Variants in IMMP1L observed in about 807,000 individuals in gnomAD.
The protein encoded by IMMP1L is inner mitochondrial membrane peptidase subunit 1.
Under a neutral mutation model 21.8 loss-of-function variants are expected in IMMP1L, and 24 were observed. The ratio of observed to expected loss-of-function variants is 1.10; its 90% CI spans 0.80 to 1.55. The LOEUF is 1.55. Among genes scored for constraint, IMMP1L ranks in the 40% most tolerant of loss-of-function variants. The probability of loss-of-function intolerance (pLI) is 0.00; values close to 1 mark genes in which losing one functional copy is unlikely to be tolerated. For missense variants in IMMP1L, 195 were observed against 200.7 expected (o/e 0.97, Z 0.17); for synonymous variants, 46 against 62.8 (o/e 0.73, Z 1.26).
At chr11:31,474,272 T>C (rs1954660669) in intron 1 of IMMP1L, among the ~76,000 whole-genome samples, 1 of 151,992 alleles carries the variant, frequency 6.6e-6, no homozygotes, top group East Asian at 1.9e-4. Flanking sequence ...TTGTGACAAG[T>C]AGAGAACAAC....
chr11:31,435,126 A>G (rs1953075968), intron 4 of IMMP1L, among the ~76,000 whole-genome samples: 1 of 152,224 alleles, frequency 6.6e-6, no homozygotes, highest in South Asian at 2.1e-4. Context: ...TATATGAATA[A>G]ATAAAACCAT....
chr11:31,483,539 T>C (rs546880284), intron 1 of IMMP1L, among the ~76,000 whole-genome samples: 1 of 152,096 alleles, frequency 6.6e-6, no homozygotes, highest in East Asian at 1.9e-4. Flanking sequence ...CTTCCCTTGA[T>C]CCCAATCATG....
chr11:31,458,353 T>C (rs1360239040), intron 3 of IMMP1L, among the ~76,000 whole-genome samples: 1 of 152,134 alleles, frequency 6.6e-6, no homozygotes, highest in South Asian at 2.1e-4. Context: ...TTTTGAAAAC[T>C]AGTGTCAATT....
At chr11:31,497,169 A>C (rs1008070621) in intron 1 of IMMP1L, among the ~76,000 whole-genome samples, 6 of 151,536 alleles carry the variant, frequency 4.0e-5, no homozygotes, top group African/African-American at 1.5e-4. Flanking sequence ...TTTCAACTTA[A>C]ATTGGGTTTA....
chr11:31,470,071 A>G (rs1954490409), intron 1 of IMMP1L, among the ~76,000 whole-genome samples: 1 of 152,242 alleles, frequency 6.6e-6, no homozygotes, highest in African/African-American at 2.4e-5. Context: ...CTGTAATAAA[A>G]TATACGCTAA....
rs925898739 is a variant in IMMP1L, at chr11:31,509,526, C to A, written c.-37G>T. 7 of 543,854 alleles carry A rather than the reference C, an allele frequency of 1.3e-5. No individual in the cohort carries two copies. The Admixed American group carries it at 2.2e-4, about 17-fold the overall frequency. The allele number at this position is 543,854 out of a possible 1,614,324, so 33.7% of individuals were successfully genotyped here. A position where few individuals can be genotyped will look rare whatever the true frequency, so the allele number is the denominator to read the frequency against. ...TTACGTGATATTACCTACCTCGGGCCCCAAAGAACCCTGGAGACCCTCAAC... is the reference window on the plus strand; with the variant it reads ...TTACGTGATATTACCTACCTCGGGCACCAAAGAACCCTGGAGACCCTCAAC... On this transcript the variant is annotated 5_prime_UTR_variant, in exon 1 of 6. Coordinates refer to ENST00000532287, the MANE Select transcript of IMMP1L (RefSeq NM_001304274.2).
At chr11:31,497,746 G>A (rs1046170205) in intron 1 of IMMP1L, among the ~76,000 whole-genome samples, 2 of 152,142 alleles carry the variant, frequency 1.3e-5, no homozygotes, top group Non-Finnish European at 2.9e-5. Flanking sequence ...CACTGCACCC[G>A]GCGGGGTACA....
chr11:31,487,404 G>A (rs1955118192), intron 1 of IMMP1L, among the ~76,000 whole-genome samples: 1 of 152,046 alleles, frequency 6.6e-6, no homozygotes, highest in East Asian at 1.9e-4. Context: ...ATAATTTGAG[G>A]CATGCTGCAT....
chr11:31,433,733 A>G (rs749673092), intron 4 of IMMP1L, 163 bp from the exon 5 acceptor site: 14 of 450,034 alleles, frequency 3.1e-5, no homozygotes, highest in Non-Finnish European at 5.1e-5. Flanking sequence ...TTCTTGCACA[A>G]TAACTTTTAC....
At chr11:31,499,760 A>C (rs1014513684) in intron 1 of IMMP1L, among the ~76,000 whole-genome samples, 39 of 152,032 alleles carry the variant, frequency 2.6e-4, no homozygotes, top group Admixed American at 9.8e-4. Context: ...TTTCCCATGG[A>C]AGAGTTAAGA....
chr11:31,456,382 C>G lies in IMMP1L; in HGVS notation c.199G>C (p.Asp67His). The G allele has an allele frequency of 6.2e-7, 1 of 1,610,498 alleles. No homozygotes were observed. Among genetic ancestry groups the G allele is most frequent in the Non-Finnish European group, 8.5e-7 (1 of 1,177,582 alleles). Residue 67 changes from aspartate to histidine, a missense_variant, in exon 4 of 6, where the codon GAC (aspartate) becomes CAC (histidine). Physicochemically the swap from Asp to His is moderately conservative, Grantham distance 81. Transcript: ENST00000532287. Reference sequence around the variant, plus strand: ...CTTGGGCTTTTTGCAATCACAATGTCACCTCTGAGGGGGAAAAGTCAAAGA... The same window carrying G: ...CTTGGGCTTTTTGCAATCACAATGTGACCTCTGAGGGGGAAAAGTCAAAGA... ...SRHFYGIQRG[D>H]IVIAKSPSDP...
chr11:31,502,723 G>A (rs1218743132), intron 1 of IMMP1L, among the ~76,000 whole-genome samples: 1 of 152,162 alleles, frequency 6.6e-6, no homozygotes, highest in Non-Finnish European at 1.5e-5. Context: ...ACACGTGAAA[G>A]GAACACCAGT....
Position 31,487,798 on chromosome 11 carries a change from T to TTCC in IMMP1L, c.-30+21718_-30+21720dup, listed in dbSNP as rs532834752. 1.7e-4 allele frequency among the ~76,000 whole-genome samples: 26 copies of TTCC among 152,280 alleles called. No individual in the cohort carries two copies. In the South Asian group the frequency reaches 5.2e-3, roughly 30 times the overall value. The stretch of plus-strand genomic sequence containing the variant: ...AAGCATCCTTCAGTGTGTACAGTTA[T>TTCC]TCCAACTTTTAGATGCTGCTCAACA... On this transcript the variant is annotated intron_variant, in intron 1 of 5. Transcript: ENST00000532287.
intron 1 of IMMP1L, among the ~76,000 whole-genome samples, chr11:31,497,488 A>T (rs1592042906): frequency 2.3e-5 from 3 of 129,218 alleles, no homozygotes; most frequent in African/African-American, 8.8e-5. Context: ...TTGAGATGGG[A>T]GTCTCGCTCT....
intron 3 of IMMP1L, among the ~76,000 whole-genome samples, chr11:31,457,057 A>G (rs1953972363): frequency 6.6e-6 from 1 of 151,984 alleles, no homozygotes; most frequent in Non-Finnish European, 1.5e-5. Flanking sequence ...GAGCACACTA[A>G]AAAGGTAAAA....
At chr11:31,505,218 G>T (rs1955740175) in intron 1 of IMMP1L, among the ~76,000 whole-genome samples, 1 of 152,080 alleles carries the variant, frequency 6.6e-6, no homozygotes, top group East Asian at 1.9e-4. Context: ...TCTCAAAGTG[G>T]TTTCCTGCAG....
At chr11:31,505,091 C>A (rs989210439) in intron 1 of IMMP1L, among the ~76,000 whole-genome samples, 1 of 152,138 alleles carries the variant, frequency 6.6e-6, no homozygotes, top group African/African-American at 2.4e-5. Context: ...TGCACAGACA[C>A]AACAGTGATA....
At chr11:31,440,408 T>C (rs1953282474) in intron 4 of IMMP1L, among the ~76,000 whole-genome samples, 1 of 152,198 alleles carries the variant, frequency 6.6e-6, no homozygotes, top group African/African-American at 2.4e-5. Context: ...TTTTTTTCTT[T>C]GAGACAAAAT....
chr11:31,449,184 A>G (rs1953653085), intron 4 of IMMP1L: 1 of 561,308 alleles, frequency 1.8e-6, no homozygotes, highest in African/African-American at 2.0e-5. Context: ...AGGATTTAGT[A>G]TATCAGCAGC....
Sources: allele counts gnomAD v4.1 joint callset (sites outside exome capture counted in the v4.1 genomes callset), GRCh38; gene constraint gnomAD v4.1.1; transcripts MANE v1.5; gene names NCBI Gene and HGNC (gene_info 2026-07-23, HGNC 2026-07-21).